FHIT: variants seen among roughly 807,000 people sequenced by gnomAD.
The protein encoded by FHIT is fragile histidine triad diadenosine triphosphatase.
In FHIT, 19 loss-of-function variants were observed where a neutral mutation model predicts 17.9. The observed-to-expected ratio is 1.06, with a 90% CI of 0.74 to 1.56. The LOEUF is 1.56. FHIT is among the 40% of genes most tolerant of loss of function. FHIT has a pLI of 0.00. For missense variants in FHIT, 248 were observed against 189.2 expected (o/e 1.31, Z -1.82); for synonymous variants, 81 against 69.7 (o/e 1.16, Z -0.81).
chr3:60,588,311 G>T (rs1051635240), intron 4 of FHIT, among the ~76,000 whole-genome samples: 2 of 151,912 alleles, frequency 1.3e-5, no homozygotes, highest in Non-Finnish European at 2.9e-5. Context: ...ACAATTTACT[G>T]ATTTCTTTAA....
intron 7 of FHIT, among the ~76,000 whole-genome samples, chr3:59,979,793 AAAAG>A (rs1220059228): frequency 6.6e-6 from 1 of 152,142 alleles, no homozygotes; most frequent in Non-Finnish European, 1.5e-5. Context: ...CATGTTTTCG[AAAAG>A]AAAGAAACTG....
intron 5 of FHIT, among the ~76,000 whole-genome samples, chr3:60,198,276 T>C (rs754735868): frequency 3.9e-5 from 6 of 152,164 alleles, no homozygotes; most frequent in Non-Finnish European, 5.9e-5. Context: ...CACAAATGGT[T>C]ATTGTAAAAT....
chr3:60,281,640 C>A, intron 5 of FHIT, among the ~76,000 whole-genome samples: 1 of 144,522 alleles, frequency 6.9e-6, no homozygotes, highest in Admixed American at 6.9e-5. Context: ...AAGGGGGGAT[C>A]TACACACAGA....
intron 2 of FHIT, among the ~76,000 whole-genome samples, chr3:61,127,609 A>C (rs575291621): frequency 6.6e-6 from 1 of 152,270 alleles, no homozygotes; most frequent in East Asian, 1.9e-4. Flanking sequence ...TCACACCTGT[A>C]ATCCCAGCAC....
At chr3:61,179,008 C>CTTTTTTTT (rs778191387) in intron 2 of FHIT, among the ~76,000 whole-genome samples, 17 of 127,626 alleles carry the variant, frequency 1.3e-4, no homozygotes, top group East Asian at 5.0e-4. Context: ...TTTTCTTTTT[C>CTTTTTTTT]TTTTTTTTTT....
At chr3:60,734,287 A>G (rs2042091666) in intron 4 of FHIT, among the ~76,000 whole-genome samples, 1 of 152,174 alleles carries the variant, frequency 6.6e-6, no homozygotes, top group Non-Finnish European at 1.5e-5. Flanking sequence ...TAAGAAATAG[A>G]GTTGGCATGA....
chr3:60,211,563 G>A (rs189554652), intron 5 of FHIT, among the ~76,000 whole-genome samples: 4 of 152,194 alleles, frequency 2.6e-5, no homozygotes, highest in Admixed American at 2.0e-4. Flanking sequence ...TATTTCTAGC[G>A]ATTTTATTTA....
intron 2 of FHIT, among the ~76,000 whole-genome samples, chr3:61,075,683 C>T (rs1264664254): frequency 1.3e-5 from 2 of 152,014 alleles, no homozygotes; most frequent in South Asian, 2.1e-4. Context: ...GTAGAAAGCA[C>T]TCCATATACA....
chr3:60,871,946 A>G (rs140413281), intron 3 of FHIT, among the ~76,000 whole-genome samples: 5,084 of 152,192 alleles, frequency 0.033, 131 homozygotes, highest in Non-Finnish European at 0.049. Flanking sequence ...TACAAGTGTG[A>G]GCCACTGTGC....
intron 5 of FHIT, among the ~76,000 whole-genome samples, chr3:60,376,703 T>C (rs906200619): frequency 6.6e-6 from 1 of 152,266 alleles, no homozygotes; most frequent in Non-Finnish European, 1.5e-5. Context: ...CTTTAGATTT[T>C]GGTAGCTAAT....
chr3:60,945,799 G>T (rs1553775640), intron 3 of FHIT, among the ~76,000 whole-genome samples: 1 of 152,202 alleles, frequency 6.6e-6, no homozygotes, highest in East Asian at 1.9e-4. Flanking sequence ...AATAAGAAGT[G>T]AGACAATCAA....
chr3:60,488,886 A>G (rs763519042), intron 5 of FHIT, among the ~76,000 whole-genome samples: 2 of 152,194 alleles, frequency 1.3e-5, no homozygotes, highest in Non-Finnish European at 2.9e-5. Flanking sequence ...TGAAACTATA[A>G]TATTTTGCTG....
chr3:60,651,249 T>G (rs2107807066), intron 4 of FHIT, among the ~76,000 whole-genome samples: 1 of 152,288 alleles, frequency 6.6e-6, no homozygotes, highest in South Asian at 2.1e-4. Flanking sequence ...CCAGATTAAA[T>G]ACTATGAGCA....
chr3:60,353,150 C>G (rs1699493996), intron 5 of FHIT, among the ~76,000 whole-genome samples: 1 of 152,128 alleles, frequency 6.6e-6, no homozygotes, highest in South Asian at 2.1e-4. Context: ...ACTATGACCC[C>G]TTCTTCAGAC....
At chr3:59,996,213 C>A (rs1246861818) in intron 7 of FHIT, among the ~76,000 whole-genome samples, 1 of 152,054 alleles carries the variant, frequency 6.6e-6, no homozygotes, top group Non-Finnish European at 1.5e-5. Flanking sequence ...AATTTTGCAA[C>A]CAAGGAAACA....
intron 5 of FHIT, among the ~76,000 whole-genome samples, chr3:60,327,932 A>G (rs1201549840): frequency 6.6e-6 from 1 of 152,226 alleles, no homozygotes; most frequent in Non-Finnish European, 1.5e-5. Context: ...GCAGGAGGTC[A>G]TGGCATCCCT....
chr3:61,197,439 A>C (rs932194236), intron 2 of FHIT, among the ~76,000 whole-genome samples: 60 of 152,132 alleles, frequency 3.9e-4, no homozygotes, highest in African/African-American at 1.4e-3. Context: ...CTATTTATTC[A>C]CAGTAGGAGT....
intron 5 of FHIT, among the ~76,000 whole-genome samples, chr3:60,524,438 T>G (rs1478128013): frequency 6.6e-6 from 1 of 152,110 alleles, no homozygotes; most frequent in Non-Finnish European, 1.5e-5. Context: ...AATAAACAGC[T>G]GCTGGTTCAA....
At chr3:61,196,315 T>C (rs1346494869) in intron 2 of FHIT, among the ~76,000 whole-genome samples, 1 of 151,986 alleles carries the variant, frequency 6.6e-6, no homozygotes, top group Non-Finnish European at 1.5e-5. Flanking sequence ...ACTGCTTTGA[T>C]AAAAATAAAA....
Sources: gnomAD v4.1 joint callset for allele counts (sites outside exome capture counted in the v4.1 genomes callset) on GRCh38, gnomAD v4.1.1 for gene constraint, MANE v1.5 for transcripts, NCBI Gene and HGNC (gene_info 2026-07-23, HGNC 2026-07-21) for gene names.